The following ZBTB8A variants were observed in gnomAD, a reference collection of about 807,000 sequenced individuals.
ZBTB8A encodes zinc finger and BTB domain containing 8A, also known as zinc finger and BTB domain-containing protein 8A.
ZBTB8A carries 19 observed loss-of-function variants against 37.8 expected under a neutral mutation model. That is an observed-to-expected ratio of 0.50 (90% CI 0.35 to 0.74). ZBTB8A has a LOEUF of 0.74. Ranked by LOEUF, ZBTB8A falls within the 30% of genes least tolerant of loss-of-function variation. ZBTB8A has a pLI of 0.01. For synonymous variants in ZBTB8A, 181 were observed against 185.2 expected, an observed-to-expected ratio of 0.98 and a Z score of 0.19; for missense variants, 394 against 537.8, an observed-to-expected ratio of 0.73 and a Z score of 2.65.
chr1:32,596,369 CAA>C (rs760050080), intron 4 of ZBTB8A, among the ~76,000 whole-genome samples: 7 of 103,708 alleles, frequency 6.7e-5, no homozygotes, highest in Non-Finnish European at 6.0e-5. Flanking sequence ...GACTCCATCT[CAA>C]AAAAAAAAAA....
chr1:32,579,663 CT>C (rs1644389217), intron 2 of ZBTB8A, among the ~76,000 whole-genome samples: 1 of 152,086 alleles, frequency 6.6e-6, no homozygotes, highest in South Asian at 2.1e-4. Flanking sequence ...GTGATTTTCT[CT>C]TCCTGTATTC....
At chr1:32,582,561 T>G (rs1353159362) in intron 2 of ZBTB8A, among the ~76,000 whole-genome samples, 2 of 151,756 alleles carry the variant, frequency 1.3e-5, no homozygotes, top group Non-Finnish European at 2.9e-5. Context: ...GACAGGAGAA[T>G]CGCTTGAACC....
Position 32,593,221 on chromosome 1 carries a change from A to G in ZBTB8A, c.290A>G (p.Glu97Gly). 1 of 1,614,180 alleles carries G rather than the reference A, an allele frequency of 6.2e-7. No individual in the cohort carries two copies. Among genetic ancestry groups the G allele is most frequent in the Admixed American group, 1.7e-5 (1 of 60,004 alleles). Residue 97 changes from glutamate to glycine, a missense_variant, in exon 3 of 5, where the codon GAA (glutamate) becomes GGA (glycine). Physicochemically the swap from Glu to Gly is moderately conservative, Grantham distance 98 (BLOSUM62 -2). Around this residue, in one of 4 missense-constraint regions of ZBTB8A, gnomAD observed 96 missense variants for 165.6 expected, o/e 0.58. Coordinates refer to ENST00000373510, the MANE Select transcript of ZBTB8A (RefSeq NM_001040441.3). ...TCTCTTACTGGTCAGAATGTCATAG[A>G]AGTGATGTCGGCTGCTAGCTTCCTT... Reference protein sequence around the residue: ...KLSLTGQNVIEVMSAASFLQM... With the variant: ...KLSLTGQNVIGVMSAASFLQM...
At chr1:32,581,811 G>T (rs1424749708) in intron 2 of ZBTB8A, among the ~76,000 whole-genome samples, 1 of 152,146 alleles carries the variant, frequency 6.6e-6, no homozygotes, top group Non-Finnish European at 1.5e-5. Flanking sequence ...GAAGGTGAAG[G>T]AGAAGCAGGC....
intron 3 of ZBTB8A, 146 bp downstream of exon 3, chr1:32,593,900 T>A (rs1644509612): frequency 2.9e-6 from 2 of 700,044 alleles, no homozygotes; most frequent in Non-Finnish European, 4.6e-6. Flanking sequence ...TAATGAAATT[T>A]ATTTAGTAAG....
At chr1:32,545,350 C>G (rs1644094603) in intron 1 of ZBTB8A, among the ~76,000 whole-genome samples, 1 of 152,100 alleles carries the variant, frequency 6.6e-6, no homozygotes, top group African/African-American at 2.4e-5. Context: ...TGCTAAACAT[C>G]TCTTCATGTG....
At chr1:32,576,572 GTGCCCACCACCA>G (rs1411591095) in intron 2 of ZBTB8A, among the ~76,000 whole-genome samples, 2 of 152,128 alleles carry the variant, frequency 1.3e-5, no homozygotes, top group Admixed American at 1.3e-4. Context: ...GGAACTACAG[GTGCCCACCACCA>G]TGCCTGGCTA....
rs1300842718 is a variant in ZBTB8A at position 32,593,072 on chromosome 1, C to G, written c.141C>G (p.Gly47=). The part of the protein sequence containing the change: ...AHRNVLFASS[G]YFKMLLSQNS... ...GAAATGTATTATTCGCTAGTAGCGG[C>G]TACTTTAAAATGCTTCTTTCTCAGA... Residue 47 remains glycine, a synonymous_variant, in exon 3 of 5, where the codon GGC becomes GGG. Transcript: ENST00000373510. 6.2e-7 allele frequency: 1 copy of G among 1,614,044 alleles called. No homozygotes were observed. Among genetic ancestry groups the G allele is most frequent in the Non-Finnish European group, 8.5e-7 (1 of 1,180,042 alleles).
chr1:32,548,784 C>G (rs1472710357), intron 1 of ZBTB8A, among the ~76,000 whole-genome samples: 1 of 152,178 alleles, frequency 6.6e-6, no homozygotes, highest in Non-Finnish European at 1.5e-5. Context: ...AAGCCAGGCA[C>G]TGTTATAAGC....
chr1:32,602,814 G>C lies in ZBTB8A; in HGVS notation c.*2395G>C, dbSNP rs1486731810. On this transcript the variant is annotated 3_prime_UTR_variant, in exon 5 of 5. Coordinates refer to ENST00000373510, the MANE Select transcript of ZBTB8A (RefSeq NM_001040441.3). ...GATCCGCCCCCCTCGGCCTCCCAAA[G>C]TGCTGGGATTACAGGCGTGAGCCAC... 1 of 152,074 alleles carries C rather than the reference G, an allele frequency of 6.6e-6. No individual in the cohort carries two copies. The highest frequency in any genetic ancestry group is 1.5e-5 in the Non-Finnish European group (1 of 68,042). 9.4% of individuals were successfully genotyped at this position (152,074 alleles called of 1,614,324 possible).
At chr1:32,570,794 T>G (rs556333050) in intron 2 of ZBTB8A, among the ~76,000 whole-genome samples, 2 of 152,318 alleles carry the variant, frequency 1.3e-5, no homozygotes, top group African/African-American at 4.8e-5. Flanking sequence ...AGAAGATTCT[T>G]TATAGGATTT....
chr1:32,541,574 G>A (rs1644055044), intron 1 of ZBTB8A, among the ~76,000 whole-genome samples: 1 of 152,154 alleles, frequency 6.6e-6, no homozygotes, highest in African/African-American at 2.4e-5. Context: ...TTTGGGACTG[G>A]GTAATTATAA....
chr1:32,567,235 T>C (rs898631060), intron 2 of ZBTB8A, among the ~76,000 whole-genome samples: 3 of 151,926 alleles, frequency 2.0e-5, no homozygotes, highest in Non-Finnish European at 4.4e-5. Flanking sequence ...CTACACACTT[T>C]TAAACAACCA....
At position 32,593,231 on chromosome 1, in the gene ZBTB8A, G is replaced by A. The variant is rs142720655; in HGVS notation, c.300G>A (p.Ser100=). Reference sequence around the variant, plus strand: ...GTCAGAATGTCATAGAAGTGATGTCGGCTGCTAGCTTCCTTCAGATGACTG... The same window carrying A: ...GTCAGAATGTCATAGAAGTGATGTCAGCTGCTAGCTTCCTTCAGATGACTG... ...LTGQNVIEVM[S]AASFLQMTDV... is the part of the protein sequence containing the mutation. The change falls in exon 3 of 5, where the codon TCG becomes TCA. Residue 100 remains serine (S), a synonymous_variant. Coordinates refer to ENST00000373510, the MANE Select transcript of ZBTB8A (RefSeq NM_001040441.3). The A allele has an allele frequency of 6.2e-5, 100 of 1,614,064 alleles. No homozygotes were observed. The African/African-American group carries it at 8.1e-4, about 13-fold the overall frequency.
Position 32,593,248 on chromosome 1 carries a change from A to C in ZBTB8A, c.317A>C (p.Gln106Pro), listed in dbSNP as rs1185833425. 1 of 1,614,082 alleles carries C rather than the reference A, an allele frequency of 6.2e-7. No homozygotes were observed. ...IEVMSAASFLQMTDVISVCKT... is the reference protein window; with the variant it reads ...IEVMSAASFLPMTDVISVCKT... ...GTGATGTCGGCTGCTAGCTTCCTTCAGATGACTGATGTCATAAGTGTATGT... is the reference window on the plus strand; with the variant it reads ...GTGATGTCGGCTGCTAGCTTCCTTCCGATGACTGATGTCATAAGTGTATGT... The change falls in exon 3 of 5, where the codon CAG (glutamine) becomes CCG (proline). Residue 106 changes from glutamine (Q) to proline (P), a missense_variant. Physicochemically the swap from Gln to Pro is moderately conservative, Grantham distance 76. Around this residue, in one of 4 missense-constraint regions of ZBTB8A, gnomAD observed 96 missense variants for 165.6 expected, o/e 0.58. Coordinates refer to ENST00000373510, the MANE Select transcript of ZBTB8A (RefSeq NM_001040441.3).
intron 1 of ZBTB8A, among the ~76,000 whole-genome samples, chr1:32,549,251 T>C (rs977653551): frequency 8.5e-5 from 13 of 152,098 alleles, no homozygotes; most frequent in Middle Eastern, 3.2e-3. Context: ...CCCAGCACTT[T>C]GGGAGGCCGA....
Position 32,553,480 on chromosome 1 carries a change from T to A in ZBTB8A, c.-62T>A, listed in dbSNP as rs1285036460. 5 of 152,210 alleles carry A rather than the reference T, an allele frequency of 3.3e-5. No homozygotes were observed. The East Asian group carries it at 9.6e-4, about 29-fold the overall frequency. 9.4% of individuals were successfully genotyped at this position (152,210 alleles called of 1,614,324 possible). ...ACAGGACAATCCTCCAAACACAGACTGTTTGACTTAGAATCTTCCCTTTTT... is the reference window on the plus strand; with the variant it reads ...ACAGGACAATCCTCCAAACACAGACAGTTTGACTTAGAATCTTCCCTTTTT... On this transcript the variant is annotated 5_prime_UTR_variant, in exon 2 of 5. Transcript: ENST00000373510.
intron 2 of ZBTB8A, among the ~76,000 whole-genome samples, chr1:32,562,331 G>A (rs968883193): frequency 6.6e-5 from 10 of 151,568 alleles, no homozygotes; most frequent in Admixed American, 3.3e-4. Context: ...GGGTGCCATG[G>A]TGTGATCTCA....
At chr1:32,548,609 C>G (rs990823140) in intron 1 of ZBTB8A, among the ~76,000 whole-genome samples, 5 of 152,168 alleles carry the variant, frequency 3.3e-5, no homozygotes, top group African/African-American at 1.2e-4. Flanking sequence ...GCTAGGATTA[C>G]AGGCGTGAGC....
Sources: allele counts gnomAD v4.1 joint callset (sites outside exome capture counted in the v4.1 genomes callset), GRCh38; gene constraint gnomAD v4.1.1; regional missense constraint gnomAD v4.1.1; transcripts MANE v1.5; gene names NCBI Gene and HGNC (gene_info 2026-07-23, HGNC 2026-07-21).